The following AKR1B15 variants were observed in gnomAD, a reference collection of about 807,000 sequenced individuals.
The protein encoded by AKR1B15 is estradiol 17-beta-dehydrogenase AKR1B15.
In AKR1B15, 49 loss-of-function variants were observed where a neutral mutation model predicts 38.5. The observed-to-expected ratio is 1.27, with a 90% CI of 1.01 to 1.62. The LOEUF is 1.62. Among genes scored for constraint, AKR1B15 ranks in the 40% most tolerant of loss-of-function variants. The pLI is 0.00. For synonymous variants in AKR1B15, 137 were observed against 135.5 expected (o/e 1.01, Z -0.08); for missense variants, 411 against 381.6 (o/e 1.08, Z -0.64).
intron 6 of AKR1B15, chr7:134,573,615 A>G (rs984138323): frequency 1.3e-5 from 12 of 900,852 alleles, no homozygotes; most frequent in Non-Finnish European, 2.7e-6. Flanking sequence ...AGAGGGGAGG[A>G]AAAAAGTATA....
chr7:134,576,909 A>G, intron 9 of AKR1B15, 54 bp from the exon 10 acceptor site: 3 of 1,494,496 alleles, frequency 2.0e-6, no homozygotes, highest in South Asian at 1.1e-5. Context: ...TCCTTTCCAT[A>G]AAAGGAGGGG....
intron 11 of AKR1B15, 141 bp downstream of exon 11, chr7:134,577,927 G>A: frequency 1.1e-6 from 1 of 914,698 alleles, no homozygotes; most frequent in Non-Finnish European, 1.7e-6. Context: ...GTTAAAATTT[G>A]GGTACCTGGG....
intron 1 of AKR1B15, among the ~76,000 whole-genome samples, chr7:134,553,681 G>A (rs142040165): frequency 1.3e-3 from 191 of 152,358 alleles, no homozygotes; most frequent in African/African-American, 4.3e-3. Flanking sequence ...GATCAGCCGC[G>A]TTTAACTTTC....
In AKR1B15 at chr7:134,575,904, C is replaced by T. The variant is rs749446377; in HGVS notation, c.720C>T (p.Pro240=). The change falls in exon 8 of 12, where the codon CCC becomes CCT. Residue 240 remains proline, a synonymous_variant. Transcript: ENST00000457545. The part of the protein sequence containing the change: ...SKGITVTAYS[P]LGSPDRPWAK... Reference sequence around the variant, plus strand: ...GCATCACCGTTACGGCCTACAGCCCCCTGGGCTCTCCGGATAGACCTTGGT... The same window carrying T: ...GCATCACCGTTACGGCCTACAGCCCTCTGGGCTCTCCGGATAGACCTTGGT... 3.7e-6 allele frequency: 6 copies of T among 1,613,576 alleles called. No individual in the cohort carries two copies. In the African/African-American group the frequency reaches 8.0e-5, roughly 22 times the overall value.
chr7:134,562,316 C>G (rs1672643998), intron 2 of AKR1B15, among the ~76,000 whole-genome samples: 1 of 152,156 alleles, frequency 6.6e-6, no homozygotes, highest in African/African-American at 2.4e-5. Flanking sequence ...TGTAAGGGTA[C>G]CTAAGCGGGT....
At chr7:134,568,408 C>T (rs552495685) in intron 4 of AKR1B15, 83 bp downstream of exon 4, 27 of 1,567,798 alleles carry the variant, frequency 1.7e-5, no homozygotes, top group South Asian at 1.3e-4. Flanking sequence ...AGAACTCTGT[C>T]GGCCTTTTCT....
intron 1 of AKR1B15, among the ~76,000 whole-genome samples, chr7:134,552,186 C>T (rs1002207943): frequency 6.6e-6 from 1 of 152,166 alleles, no homozygotes. Context: ...TCGGATGAGA[C>T]CTGCTTCATA....
intron 3 of AKR1B15, chr7:134,564,985 A>G (rs1028746805): frequency 5.4e-6 from 2 of 372,120 alleles, no homozygotes; most frequent in African/African-American, 4.1e-5. Flanking sequence ...GTAAAAACGC[A>G]GCAATCAGCA....
rs1237652733 is a variant in AKR1B15 at position 134,576,296 on chromosome 7, T to G, written c.744-53T>G. ...GAGACCCTCATTGGAGTGGTGTCCT[T>G]CTGTACACGGTAGCCATGGTGATTA... On this transcript the variant is annotated intron_variant, in intron 8 of 11. Coordinates refer to ENST00000457545, the MANE Select transcript of AKR1B15 (RefSeq NM_001080538.3). 36 of 1,570,476 alleles carry G rather than the reference T, an allele frequency of 2.3e-5. 1 individual carries two copies. Among genetic ancestry groups the G allele is most frequent in the Non-Finnish European group, 3.1e-5 (36 of 1,143,092 alleles).
chr7:134,568,532 T>C (rs1449372241), intron 4 of AKR1B15, among the ~76,000 whole-genome samples: 1 of 152,212 alleles, frequency 6.6e-6, no homozygotes, highest in Non-Finnish European at 1.5e-5. Context: ...TGCCTGCGGG[T>C]TGGATTTCCC....
At chr7:134,577,682 A>C in intron 10 of AKR1B15, 22 bp from the exon 11 acceptor site, 1 of 1,611,400 alleles carries the variant, frequency 6.2e-7, no homozygotes, top group Non-Finnish European at 8.5e-7. Flanking sequence ...CCGATAATGT[A>C]TTGGAATTCT....
chr7:134,568,302 G>T lies in AKR1B15; in HGVS notation c.295G>T (p.Glu99Ter). 1.9e-6 allele frequency: 3 copies of T among 1,614,122 alleles called. No individual in the cohort carries two copies. The highest frequency in any genetic ancestry group is 2.5e-6 in the Non-Finnish European group (3 of 1,179,978). ...EKIQEKAVMR[E>*]DLFIVSKVWP... Reference sequence around the variant, plus strand: ...GATCCAAGAGAAGGCTGTGATGCGGGAGGACCTGTTCATCGTCAGCAAGGT... The same window carrying T: ...GATCCAAGAGAAGGCTGTGATGCGGTAGGACCTGTTCATCGTCAGCAAGGT... Residue 99 changes from glutamate (E) to a stop codon, truncating the protein, a stop_gained, in exon 4 of 12, where the codon GAG (glutamate) becomes TAG (stop). Coordinates refer to ENST00000457545, the MANE Select transcript of AKR1B15 (RefSeq NM_001080538.3). LOFTEE classifies it high-confidence loss of function.
chr7:134,571,631 G>T lies in AKR1B15; in HGVS notation c.463G>T (p.Asp155Tyr). 1 of 1,613,700 alleles carries T rather than the reference G, an allele frequency of 6.2e-7. No homozygotes were observed. The highest frequency in any genetic ancestry group is 1.1e-5 in the South Asian group (1 of 90,966). The change falls in exon 6 of 12, where the codon GAT (aspartate) becomes TAT (tyrosine). Residue 155 changes from aspartate to tyrosine, a missense_variant. Around this residue, in one of 3 missense-constraint regions of AKR1B15, gnomAD observed 254 missense variants for 212.4 expected, o/e 1.20. Coordinates refer to ENST00000457545, the MANE Select transcript of AKR1B15 (RefSeq NM_001080538.3). ...TGGGGATGACTTTTTCCCCAAAGATGATAAAGGTAATATGATCAGTGGAAA... is the reference window on the plus strand; with the variant it reads ...TGGGGATGACTTTTTCCCCAAAGATTATAAAGGTAATATGATCAGTGGAAA... ...KTGDDFFPKD[D>Y]KGNMISGKGT...
intron 2 of AKR1B15, among the ~76,000 whole-genome samples, chr7:134,559,489 T>A (rs1265904475): frequency 6.6e-6 from 1 of 152,060 alleles, no homozygotes; most frequent in African/African-American, 2.4e-5. Context: ...TTATAAATAA[T>A]CCCCGGACCA....
chr7:134,561,934 G>A (rs1475955790), intron 2 of AKR1B15, among the ~76,000 whole-genome samples: 1 of 152,162 alleles, frequency 6.6e-6, no homozygotes. Flanking sequence ...ATTTCACAGG[G>A]AAACCATCAC....
At chr7:134,561,214 A>G (rs1794380431) in intron 2 of AKR1B15, among the ~76,000 whole-genome samples, 1 of 152,020 alleles carries the variant, frequency 6.6e-6, no homozygotes, top group South Asian at 2.1e-4. Flanking sequence ...GCATGCATGT[A>G]TTTATTTATT....
rs1017204425 is a variant in AKR1B15 at position 134,577,741 on chromosome 7, C to A, written c.947C>A (p.Thr316Asn). 3.1e-6 allele frequency: 5 copies of A among 1,613,826 alleles called. No homozygotes were observed. Among genetic ancestry groups the A allele is most frequent in the Admixed American group, 1.7e-5 (1 of 59,992 alleles). Residue 316 changes from threonine to asparagine, a missense_variant, in exon 11 of 12, where the codon ACC (threonine) becomes AAC (asparagine). Thr to Asn is a moderately conservative substitution (Grantham distance 65, BLOSUM62 0). Transcript: ENST00000457545. ...DFKLSDEEMA[T>N]ILSFNRNWRA... ...AAATTGAGTGATGAGGAGATGGCAACCATACTCAGCTTCAACAGAAACTGG... is the reference window on the plus strand; with the variant it reads ...AAATTGAGTGATGAGGAGATGGCAAACATACTCAGCTTCAACAGAAACTGG...
intron 2 of AKR1B15, among the ~76,000 whole-genome samples, chr7:134,562,838 CT>C (rs1794438886): frequency 4.2e-5 from 2 of 47,512 alleles, no homozygotes; most frequent in Non-Finnish European, 9.7e-5. Flanking sequence ...CTTTCTCTTT[CT>C]TTCTTTCTTT....
rs186239318 is a variant in AKR1B15, at chr7:134,565,741, C to T, written c.150+972C>T. 2.6e-5 allele frequency among the ~76,000 whole-genome samples: 4 copies of T among 152,210 alleles called. No homozygotes were observed. In the East Asian group the frequency reaches 7.7e-4, roughly 29 times the overall value. Reference sequence around the variant, plus strand: ...CTGCAATGCTGCAAGACTGGCTTTCCCAGCAGTGATGAGAACTCCTCTAGC... The same window carrying T: ...CTGCAATGCTGCAAGACTGGCTTTCTCAGCAGTGATGAGAACTCCTCTAGC... On this transcript the variant is annotated intron_variant, in intron 3 of 11. Coordinates refer to ENST00000457545, the MANE Select transcript of AKR1B15 (RefSeq NM_001080538.3).
Sources: allele counts gnomAD v4.1 joint callset (sites outside exome capture counted in the v4.1 genomes callset), GRCh38; gene constraint gnomAD v4.1.1; regional missense constraint gnomAD v4.1.1; transcripts MANE v1.5; gene names NCBI Gene and HGNC (gene_info 2026-07-23, HGNC 2026-07-21).